Variants in UGGT2 observed in about 807,000 individuals in gnomAD.
UGGT2 encodes the protein UDP-glucose:glycoprotein glucosyltransferase 2.
Under a neutral mutation model 192.1 loss-of-function variants are expected in UGGT2, and 180 were observed. The observed-to-expected ratio is 0.94, with a 90% CI of 0.83 to 1.06. UGGT2 has a LOEUF of 1.06. UGGT2 is among the 50% of genes least tolerant of loss of function. The probability of loss-of-function intolerance (pLI) is 0.00; values close to 1 mark genes in which losing one functional copy is unlikely to be tolerated. For synonymous variants in UGGT2, 580 were observed against 591.0 expected, an observed-to-expected ratio of 0.98 and a Z score of 0.27; for missense variants, 1,849 against 1,795.7, an observed-to-expected ratio of 1.03 and a Z score of -0.54.
At chr13:96,008,380 G>C (rs568852069) in intron 5 of UGGT2, among the ~76,000 whole-genome samples, 8 of 152,290 alleles carry the variant, frequency 5.3e-5, no homozygotes, top group South Asian at 2.1e-4. Context: ...GTCCTGGCCA[G>C]AGCAACCAGG....
intron 2 of UGGT2, among the ~76,000 whole-genome samples, chr13:96,024,399 G>T (rs758029966): frequency 6.6e-6 from 1 of 152,210 alleles, no homozygotes; most frequent in Non-Finnish European, 1.5e-5. Context: ...GGGAGACAGA[G>T]ATCACTTGAA....
intron 29 of UGGT2, among the ~76,000 whole-genome samples, chr13:95,869,252 G>A (rs998367064): frequency 1.3e-5 from 2 of 152,044 alleles, no homozygotes; most frequent in East Asian, 1.9e-4. Context: ...ATTCCATGGT[G>A]TATATGTGCC....
chr13:95,859,612 AT>A lies in UGGT2; in HGVS notation c.3803del (p.Asn1268IlefsTer10). 1 of 1,610,424 alleles carries A rather than the reference AT, an allele frequency of 6.2e-7. No homozygotes were observed. On this transcript the variant is annotated frameshift_variant, in exon 33 of 39. Coordinates refer to ENST00000376747, the MANE Select transcript of UGGT2 (RefSeq NM_020121.4). LOFTEE classifies it high-confidence loss of function. The stretch of plus-strand genomic sequence containing the variant: ...TTACTTTAAATGTCGGTGAGAGATA[AT>A]TTTTTAGCAACCAGAATTTCACTGG... ...KTPVKFWLLK[N>X]YLSPTFKEVI...
At chr13:95,895,353 G>A (rs1270529406) in intron 22 of UGGT2, 49 bp from the exon 23 acceptor site, 1 of 1,154,318 alleles carries the variant, frequency 8.7e-7, no homozygotes, top group East Asian at 2.9e-5. Context: ...GAAGATATCA[G>A]TTTAGGAAAA....
chr13:95,886,671 T>C (rs1335666419), intron 26 of UGGT2, among the ~76,000 whole-genome samples: 1 of 152,216 alleles, frequency 6.6e-6, no homozygotes, highest in Non-Finnish European at 1.5e-5. Context: ...GGACAATGAA[T>C]AAGTCCTAAA....
chr13:95,860,188 T>A (rs891449628), intron 32 of UGGT2, among the ~76,000 whole-genome samples: 1 of 151,968 alleles, frequency 6.6e-6, no homozygotes, highest in Non-Finnish European at 1.5e-5. Flanking sequence ...GACCTTTCTA[T>A]ATAAACTGTT....
intron 38 of UGGT2, among the ~76,000 whole-genome samples, chr13:95,815,045 C>G (rs1884757923): frequency 6.6e-6 from 1 of 152,092 alleles, no homozygotes; most frequent in South Asian, 2.1e-4. Context: ...TTAAAACTCC[C>G]AGTAAACTAG....
At chr13:95,845,789 C>G (rs1054447008) in intron 36 of UGGT2, among the ~76,000 whole-genome samples, 3 of 149,876 alleles carry the variant, frequency 2.0e-5, no homozygotes, top group Non-Finnish European at 3.0e-5. Context: ...GGGTCGCGGC[C>G]GGGCAGAGGC....
intron 10 of UGGT2, among the ~76,000 whole-genome samples, chr13:95,976,994 C>T (rs2050958441): frequency 6.6e-6 from 1 of 152,064 alleles, no homozygotes; most frequent in Non-Finnish European, 1.5e-5. Flanking sequence ...ACTGGCTAGC[C>T]ATATGCAGAA....
chr13:95,931,067 T>C (rs1184342289), intron 17 of UGGT2, among the ~76,000 whole-genome samples: 3 of 152,172 alleles, frequency 2.0e-5, no homozygotes, highest in Non-Finnish European at 2.9e-5. Context: ...ATCTTGCTGA[T>C]TGGTCCATTC....
At chr13:95,865,342 A>G (rs1279941201) in intron 30 of UGGT2, among the ~76,000 whole-genome samples, 1 of 152,130 alleles carries the variant, frequency 6.6e-6, no homozygotes, top group Non-Finnish European at 1.5e-5. Context: ...AAACTGTGTT[A>G]TTAGAAAACA....
intron 22 of UGGT2, among the ~76,000 whole-genome samples, chr13:95,900,210 G>C (rs1336503370): frequency 6.6e-6 from 1 of 151,926 alleles, no homozygotes; most frequent in African/African-American, 2.4e-5. Context: ...AGGATTATAA[G>C]GATGTATTCT....
chr13:95,973,899 C>T (rs9590352), intron 10 of UGGT2, among the ~76,000 whole-genome samples: 8,128 of 152,232 alleles, frequency 0.053, 346 homozygotes, highest in East Asian at 0.15. Flanking sequence ...TATGTCTTGT[C>T]ACCTATAAAG....
chr13:95,838,341 T>C (rs1887519339), intron 36 of UGGT2, among the ~76,000 whole-genome samples: 1 of 152,190 alleles, frequency 6.6e-6, no homozygotes, highest in African/African-American at 2.4e-5. Context: ...TGTTCACACA[T>C]AGGAAGACTC....
At chr13:95,938,339 A>T (rs1002176636) in intron 16 of UGGT2, among the ~76,000 whole-genome samples, 2 of 152,196 alleles carry the variant, frequency 1.3e-5, no homozygotes, top group Non-Finnish European at 2.9e-5. Context: ...CTTATGAGTT[A>T]AAAAGTGACT....
rs374508606 is a variant in UGGT2 at position 95,890,857 on chromosome 13, C to G, written c.2958+5G>C. Reference sequence around the variant, plus strand: ...AAACATTTAGTCTAATTTATATTATCTTACAACCAACAACTGTGCCATTTT... The same window carrying G: ...AAACATTTAGTCTAATTTATATTATGTTACAACCAACAACTGTGCCATTTT... On this transcript the variant is annotated splice_donor_5th_base_variant and intron_variant, in intron 25 of 38. Transcript: ENST00000376747. 1 of 1,603,738 alleles carries G rather than the reference C, an allele frequency of 6.2e-7. No homozygotes were observed. The highest frequency in any genetic ancestry group is 1.3e-5 in the African/African-American group (1 of 74,378).
At position 95,825,398 on chromosome 13, in the gene UGGT2, G is replaced by C. The variant is rs71433099; in HGVS notation, c.4528+7529C>G. 6.8e-3 allele frequency among the ~76,000 whole-genome samples: 1,030 copies of C among 152,214 alleles called. 4 individuals are homozygous for C. Among genetic ancestry groups the C allele is most frequent in the Non-Finnish European group, 0.011 (719 of 67,990 alleles). ...GATGTCTTAACAAGGGGAAGAGTGA[G>C]AGCCACCTCAGCTTCCTTGCCAGGC... On this transcript the variant is annotated intron_variant, in intron 38 of 38. Transcript: ENST00000376747.
intron 6 of UGGT2, among the ~76,000 whole-genome samples, chr13:95,996,950 T>C (rs2051642503): frequency 6.6e-6 from 1 of 152,182 alleles, no homozygotes; most frequent in Middle Eastern, 3.2e-3. Flanking sequence ...CTGGTTGGTG[T>C]AATATGTGAA....
intron 38 of UGGT2, among the ~76,000 whole-genome samples, chr13:95,807,309 G>C (rs958929672): frequency 6.6e-6 from 1 of 152,160 alleles, no homozygotes; most frequent in Non-Finnish European, 1.5e-5. Flanking sequence ...TGGTCTTGCT[G>C]TCTCAGGTGG....
Sources: gnomAD v4.1 joint callset for allele counts (sites outside exome capture counted in the v4.1 genomes callset) on GRCh38, gnomAD v4.1.1 for gene constraint, MANE v1.5 for transcripts, NCBI Gene and HGNC (gene_info 2026-07-23, HGNC 2026-07-21) for gene names.